The following HHIPL2 variants were observed in gnomAD, a reference collection of about 807,000 sequenced individuals.
HHIPL2 encodes the protein HHIP-like protein 2.
In HHIPL2, 61 loss-of-function variants were observed where a neutral mutation model predicts 61.0. The observed-to-expected ratio is 1.00, with a 90% CI of 0.81 to 1.24. The LOEUF is 1.24. Ranked by LOEUF, HHIPL2 falls within the 50% of genes most tolerant of loss-of-function variation. The probability of loss-of-function intolerance (pLI) is 0.00; values close to 1 mark genes in which losing one functional copy is unlikely to be tolerated. For synonymous variants in HHIPL2, 343 were observed against 357.4 expected (o/e 0.96, Z 0.45); for missense variants, 885 against 910.2 (o/e 0.97, Z 0.36).
intron 5 of HHIPL2, among the ~76,000 whole-genome samples, chr1:222,533,829 T>C (rs1459018557): frequency 1.3e-5 from 2 of 152,078 alleles, no homozygotes; most frequent in East Asian, 3.9e-4. Context: ...AAGATATTGC[T>C]GAGAGTCCAG....
chr1:222,524,064 T>C (rs1465984037), intron 7 of HHIPL2: 2 of 197,744 alleles, frequency 1.0e-5, no homozygotes. Flanking sequence ...GCCCAGAACA[T>C]AACAAGAGCT....
At chr1:222,528,128 T>TA (rs1659108503) in intron 6 of HHIPL2, among the ~76,000 whole-genome samples, 1 of 152,200 alleles carries the variant, frequency 6.6e-6, no homozygotes, top group Admixed American at 6.5e-5. Context: ...TGAGGGACAT[T>TA]ATGCTATGGG....
chr1:222,524,346 C>A (rs182673664), intron 7 of HHIPL2: 1 of 152,400 alleles, frequency 6.6e-6, no homozygotes, highest in East Asian at 1.9e-4. Context: ...GCTTTCTCTG[C>A]CTCTGCCTTG....
Position 222,522,641 on chromosome 1 carries a change from G to A in HHIPL2, c.2135C>T (p.Pro712Leu). ...SLKSHSGRMR[P>L]SAEQKRAGRS... ...GCCAGCTCGCTTCTGCTCTGCTGAT[G>A]GCCTCATCCTGCCACTGTGGCTTTT... Residue 712 changes from proline (P) to leucine (L), a missense_variant, in exon 9 of 9, where the codon CCA becomes CTA. Pro to Leu is a moderately conservative substitution (Grantham distance 98, BLOSUM62 -3). Coordinates refer to ENST00000343410, the MANE Select transcript of HHIPL2 (RefSeq NM_024746.4). The A allele has an allele frequency of 1.9e-6, 3 of 1,614,078 alleles. No homozygotes were observed. The highest frequency in any genetic ancestry group is 2.2e-5 in the East Asian group (1 of 44,882).
chr1:222,533,345 A>G (rs1344567009), intron 5 of HHIPL2, among the ~76,000 whole-genome samples: 1 of 149,754 alleles, frequency 6.7e-6, no homozygotes, highest in Admixed American at 6.7e-5. Context: ...AGCCTGGGTG[A>G]CAGAGGGAGA....
intron 2 of HHIPL2, 146 bp downstream of exon 2, chr1:222,543,391 G>T: frequency 1.3e-6 from 1 of 787,198 alleles, no homozygotes; most frequent in Non-Finnish European, 2.1e-6. Context: ...GGCTAACTTG[G>T]GCCGTTCTCA....
intron 7 of HHIPL2, among the ~76,000 whole-genome samples, chr1:222,526,112 A>G (rs1026615692): frequency 4.6e-5 from 7 of 152,100 alleles, no homozygotes; most frequent in African/African-American, 1.7e-4. Context: ...CCCAGACCCA[A>G]CCACCTCTCA....
Position 222,538,567 on chromosome 1 carries a change from T to C in HHIPL2, c.1577+81A>G, listed in dbSNP as rs1183932789. On this transcript the variant is annotated intron_variant, in intron 5 of 8. Transcript: ENST00000343410. ...TCAAACACCTGTGCTCTTACGTGAT[T>C]ATATTTCACCATATGTAAGTTATAC... 3 of 1,296,728 alleles carry C rather than the reference T, an allele frequency of 2.3e-6. No homozygotes were observed. In the African/African-American group the frequency reaches 4.5e-5, roughly 19 times the overall value. The allele number at this position is 1,296,728 out of a possible 1,614,324, so 80.3% of individuals were successfully genotyped here. A position where few individuals can be genotyped will look rare whatever the true frequency, so the allele number is the denominator to read the frequency against.
At position 222,536,774 on chromosome 1, in the gene HHIPL2, G is replaced by A. The variant is rs1158211202; in HGVS notation, c.1577+1874C>T. On this transcript the variant is annotated intron_variant, in intron 5 of 8. Coordinates refer to ENST00000343410, the MANE Select transcript of HHIPL2 (RefSeq NM_024746.4). The stretch of plus-strand genomic sequence containing the variant: ...ATCTATATGTAAAAAGGATGGGGCC[G>A]GGCAGTGAGTCATGCCTGTAATCCT... Among the ~76,000 whole-genome samples, 4 of 152,234 alleles carry A rather than the reference G, an allele frequency of 2.6e-5. 1 individual carries two copies. The East Asian group carries it at 7.7e-4, about 29-fold the overall frequency.
At chr1:222,527,554 A>C (rs1396880083) in intron 6 of HHIPL2, among the ~76,000 whole-genome samples, 1 of 150,356 alleles carries the variant, frequency 6.7e-6, no homozygotes, top group Non-Finnish European at 1.5e-5. Context: ...GACCCTCCCC[A>C]CTCTCCATTT....
chr1:222,530,085 CTTGGGAACACG>C (rs1187952581), intron 6 of HHIPL2, among the ~76,000 whole-genome samples: 9 of 152,156 alleles, frequency 5.9e-5, no homozygotes, highest in Non-Finnish European at 1.3e-4. Context: ...TGGGTAAAGG[CTTGGGAACACG>C]TTGGCAAGTC....
In HHIPL2 at chr1:222,543,789, A is replaced by T. The variant is rs149211314; in HGVS notation, c.722T>A (p.Val241Glu). Residue 241 changes from valine to glutamate, a missense_variant, in exon 2 of 9, where the codon GTG becomes GAG. Val to Glu is a moderately radical substitution (Grantham distance 121, BLOSUM62 -2). Transcript: ENST00000343410. ...ACTCCCATCAGGGAGGTAGACCCAC[A>T]CCACTCCTACCTGCTCGGCAACAAA... ...RFFVAEQVGVVWVYLPDGSRL... is the reference protein window; with the variant it reads ...RFFVAEQVGVEWVYLPDGSRL... The T allele has an allele frequency of 3.1e-6, 5 of 1,613,926 alleles. No individual in the cohort carries two copies. The highest frequency in any genetic ancestry group is 4.2e-6 in the Non-Finnish European group (5 of 1,179,946).
intron 3 of HHIPL2, among the ~76,000 whole-genome samples, chr1:222,540,812 T>C (rs1659416479): frequency 6.6e-6 from 1 of 152,242 alleles, no homozygotes; most frequent in Non-Finnish European, 1.5e-5. Context: ...GGGCTGACTT[T>C]CCTCATTTGA....
Position 222,547,955 on chromosome 1 carries a change from T to C in HHIPL2, c.90A>G (p.Ile30Met), listed in dbSNP as rs749710346. The C allele has an allele frequency of 1.2e-6, 2 of 1,612,564 alleles. No homozygotes were observed. The highest frequency in any genetic ancestry group is 1.1e-5 in the South Asian group (1 of 90,958). Residue 30 changes from isoleucine (I) to methionine (M), a missense_variant, in exon 1 of 9, where the codon ATA becomes ATG. Transcript: ENST00000343410. ...GCAAGCCCACCTGGCCCAACAAGAA[T>C]ATGAGGCAGAGGCAGAGAATGCCAG... ...LSSGILCLCL[I>M]FLLGQVGLLQ... is the part of the protein sequence containing the mutation.
Position 222,543,744 on chromosome 1 carries a change from AG to A in HHIPL2, c.766del (p.Leu256TrpfsTer8). Reference sequence around the variant, plus strand: ...GGTCAACACGATGTTCTTGAGGTCCAGGAAGGGTTGCTCCAGGCGACTCCCA... The same window carrying A: ...GGTCAACACGATGTTCTTGAGGTCCAGAAGGGTTGCTCCAGGCGACTCCCA... ...PDGSRLEQPF[L>X]DLKNIVLTTP... On this transcript the variant is annotated frameshift_variant, in exon 2 of 9. Transcript: ENST00000343410. LOFTEE classifies it high-confidence loss of function. The A allele has an allele frequency of 1.9e-6, 3 of 1,614,214 alleles. No homozygotes were observed. The highest frequency in any genetic ancestry group is 2.5e-6 in the Non-Finnish European group (3 of 1,180,034).
chr1:222,546,521 G>A (rs1659559802), intron 1 of HHIPL2, among the ~76,000 whole-genome samples: 1 of 152,232 alleles, frequency 6.6e-6, no homozygotes, highest in African/African-American at 2.4e-5. Context: ...CAGAGCTGCT[G>A]ACTTTGACTT....
chr1:222,534,669 TACACAC>T (rs10650864), intron 5 of HHIPL2, among the ~76,000 whole-genome samples: 17,771 of 148,092 alleles, frequency 0.12, 1,325 homozygotes, highest in African/African-American at 0.22. Flanking sequence ...ACATTGAGAT[TACACAC>T]ACACACACAC....
At chr1:222,527,576 CTT>C (rs905782076) in intron 6 of HHIPL2, among the ~76,000 whole-genome samples, 1 of 152,088 alleles carries the variant, frequency 6.6e-6, no homozygotes, top group African/African-American at 2.4e-5. Flanking sequence ...TCCTCTCGGT[CTT>C]TTCCATGCCC....
intron 1 of HHIPL2, among the ~76,000 whole-genome samples, chr1:222,544,425 C>T (rs1659514096): frequency 6.6e-6 from 1 of 152,174 alleles, no homozygotes; most frequent in Non-Finnish European, 1.5e-5. Flanking sequence ...TCTAACATTT[C>T]AGCTTAGTTT....
Sources: gnomAD v4.1 joint callset for allele counts (sites outside exome capture counted in the v4.1 genomes callset) on GRCh38, gnomAD v4.1.1 for gene constraint, MANE v1.5 for transcripts, NCBI Gene and HGNC (gene_info 2026-07-23, HGNC 2026-07-21) for gene names.